The following MAST2 variants were observed in gnomAD, a reference collection of about 807,000 sequenced individuals.
MAST2 encodes the protein microtubule associated serine/threonine kinase 2.
MAST2 carries 70 observed loss-of-function variants against 147.4 expected under a neutral mutation model. The ratio of observed to expected loss-of-function variants is 0.47; its 90% confidence interval spans 0.39 to 0.58. The LOEUF is 0.58. MAST2 is among the 20% of genes least tolerant of loss of function. The pLI, the probability that MAST2 is intolerant of heterozygous loss-of-function variation, is 0.00. For missense variants in MAST2, 2,080 were observed against 2,302.3 expected, an observed-to-expected ratio of 0.90 and a Z score of 1.98; for synonymous variants, 869 against 896.8, an observed-to-expected ratio of 0.97 and a Z score of 0.55.
intron 4 of MAST2, among the ~76,000 whole-genome samples, chr1:45,900,173 CAAAAAAA>C (rs59051138): frequency 1.8e-5 from 1 of 54,106 alleles, no homozygotes; most frequent in African/African-American, 8.8e-5. Flanking sequence ...CTCTCTCTCT[CAAAAAAA>C]AAAAAAAAAA....
intron 5 of MAST2, among the ~76,000 whole-genome samples, chr1:45,976,945 A>T (rs1326225474): frequency 6.6e-6 from 1 of 152,236 alleles, no homozygotes; most frequent in African/African-American, 2.4e-5. Flanking sequence ...GTATTCAGAC[A>T]CTTGATTTAT....
intron 3 of MAST2, among the ~76,000 whole-genome samples, chr1:45,866,847 A>AT (rs2148120443): frequency 6.6e-6 from 1 of 151,704 alleles, no homozygotes; most frequent in South Asian, 2.1e-4. Flanking sequence ...GGTTCAAGTG[A>AT]TTCTCCTGCC....
intron 4 of MAST2, among the ~76,000 whole-genome samples, chr1:45,927,375 G>A (rs955876536): frequency 3.9e-5 from 6 of 152,138 alleles, no homozygotes; most frequent in African/African-American, 1.4e-4. Flanking sequence ...GAGCGCTATG[G>A]GAGACTGGGG....
intron 2 of MAST2, among the ~76,000 whole-genome samples, chr1:45,826,265 T>C (rs1324297614): frequency 6.6e-6 from 1 of 152,214 alleles, no homozygotes; most frequent in Non-Finnish European, 1.5e-5. Context: ...GAATTTTCCA[T>C]TTATCTGATT....
At chr1:45,989,429 A>T (rs573944824) in intron 5 of MAST2, among the ~76,000 whole-genome samples, 1 of 152,206 alleles carries the variant, frequency 6.6e-6, no homozygotes, top group East Asian at 1.9e-4. Flanking sequence ...TTCATTTCCA[A>T]AGTTTCTTAC....
intron 3 of MAST2, among the ~76,000 whole-genome samples, chr1:45,876,276 A>T (rs1216159900): frequency 6.6e-6 from 1 of 152,202 alleles, no homozygotes; most frequent in Non-Finnish European, 1.5e-5. Flanking sequence ...GAGACATTGG[A>T]TGTAGATAAC....
At chr1:45,853,110 AG>A in intron 3 of MAST2, among the ~76,000 whole-genome samples, 1 of 151,866 alleles carries the variant, frequency 6.6e-6, no homozygotes, top group East Asian at 2.0e-4. Context: ...TTGTATTTTT[AG>A]TAGAGACAGG....
chr1:45,981,817 A>C lies in MAST2; in HGVS notation c.593-15907A>C, dbSNP rs1044567881. ...TCAAAATTATTGATTTTATTCTGTC[A>C]ACAAACTTTAAAATGGTGGTAATTT... On this transcript the variant is annotated intron_variant, in intron 5 of 28. Transcript: ENST00000361297. Among the ~76,000 whole-genome samples the C allele has an allele frequency of 4.0e-5, 6 of 151,104 alleles. No individual in the cohort carries two copies. The East Asian group carries it at 9.7e-4, about 24-fold the overall frequency.
chr1:45,844,226 A>G (rs1205526043), intron 3 of MAST2, among the ~76,000 whole-genome samples: 1 of 152,086 alleles, frequency 6.6e-6, no homozygotes, highest in Non-Finnish European at 1.5e-5. Flanking sequence ...CAGCCTCCTG[A>G]GTAGTTGGGA....
chr1:45,946,794 A>G (rs1035117689), intron 4 of MAST2, among the ~76,000 whole-genome samples: 1 of 152,162 alleles, frequency 6.6e-6, no homozygotes, highest in Non-Finnish European at 1.5e-5. Flanking sequence ...GATAGTCACA[A>G]TAGTAGTCAA....
At chr1:45,964,253 G>A (rs183552013) in intron 5 of MAST2, among the ~76,000 whole-genome samples, 49 of 152,052 alleles carry the variant, frequency 3.2e-4, no homozygotes, top group African/African-American at 9.2e-4. Flanking sequence ...GGAGGATTCC[G>A]TCTTTTTCTA....
chr1:46,011,533 C>T lies in MAST2; in HGVS notation c.1188+594C>T, dbSNP rs546178429. ...GAGTTCTTAAGCACTGCTTCCTGCA[C>T]GAGTGCTTCCTTTGCTATCAGCCTC... is the stretch of plus-strand genomic sequence containing the variant. On this transcript the variant is annotated intron_variant, in intron 10 of 28. Coordinates refer to ENST00000361297, the MANE Select transcript of MAST2 (RefSeq NM_015112.3). Among the ~76,000 whole-genome samples, 6 of 152,332 alleles carry T rather than the reference C, an allele frequency of 3.9e-5. No homozygotes were observed. The South Asian group carries it at 8.3e-4, about 21-fold the overall frequency.
rs3737737 is a variant in MAST2, at chr1:46,035,072, G to T, written c.4403G>T (p.Gly1468Val). 78 of 1,613,650 alleles carry T rather than the reference G, an allele frequency of 4.8e-5. 1 individual carries two copies. Among genetic ancestry groups the T allele is most frequent in the Non-Finnish European group, 5.5e-5 (65 of 1,179,978 alleles). ...GGCAAGGGGGCCCTGCCAGGGAAGG[G>T]GGTGCTGCAGCCTGCTCCCTCACGG... Reference protein sequence around the residue: ...LSGKGALPGKGVLQPAPSRAL... With the variant: ...LSGKGALPGKVVLQPAPSRAL... The change falls in exon 29 of 29, where the codon GGG (glycine) becomes GTG (valine). Residue 1468 changes from glycine (G) to valine (V), a missense_variant. Gly to Val is a moderately radical substitution (Grantham distance 109). Transcript: ENST00000361297. The surrounding 1 kb of genome is among the most constrained non-coding windows in gnomAD (Gnocchi z 5.5).
chr1:45,856,681 A>C (rs911002872), intron 3 of MAST2, among the ~76,000 whole-genome samples: 1 of 152,230 alleles, frequency 6.6e-6, no homozygotes, highest in African/African-American at 2.4e-5. Flanking sequence ...ATTACAGGGC[A>C]CAGTAAAATA....
At chr1:45,826,391 C>T (rs1031544206) in intron 2 of MAST2, among the ~76,000 whole-genome samples, 13 of 152,050 alleles carry the variant, frequency 8.5e-5, no homozygotes, top group African/African-American at 3.1e-4. Context: ...TCTCCTCTGT[C>T]GCCCAGGCTG....
At chr1:46,003,015 G>A in intron 7 of MAST2, 132 bp downstream of exon 7, 1 of 902,852 alleles carries the variant, frequency 1.1e-6, no homozygotes, top group South Asian at 1.5e-5. Context: ...GAGAGATGAT[G>A]TTGGGTGCAA....
At chr1:45,814,656 G>A (rs534804352) in intron 1 of MAST2, among the ~76,000 whole-genome samples, 1 of 152,102 alleles carries the variant, frequency 6.6e-6, no homozygotes, top group Non-Finnish European at 1.5e-5. Context: ...GCGTGGTGGC[G>A]CACGCCTATA....
Position 45,939,625 on chromosome 1 carries a change from C to T in MAST2, c.501-19761C>T, listed in dbSNP as rs187150156. On this transcript the variant is annotated intron_variant, in intron 4 of 28. Coordinates refer to ENST00000361297, the MANE Select transcript of MAST2 (RefSeq NM_015112.3). ...GCGCGATCTCAGCTCACTGTAACCT[C>T]TGCCTCCTGGATTCAAGTGATTCTT... Among the ~76,000 whole-genome samples, 544 of 152,198 alleles carry T rather than the reference C, an allele frequency of 3.6e-3. 2 individuals carry two copies. The highest frequency in any genetic ancestry group is 5.6e-3 in the Admixed American group (86 of 15,292).
Position 46,002,822 on chromosome 1 carries a change from G to C in MAST2, c.686G>C (p.Trp229Ser). 6.2e-7 allele frequency: 1 copy of C among 1,614,134 alleles called. No homozygotes were observed. Among genetic ancestry groups the C allele is most frequent in the Non-Finnish European group, 8.5e-7 (1 of 1,180,004 alleles). ...GCATACAGGACTGATGGGCGGCGCT[G>C]GTCTTTGGCCTCTTTGCCCTCTTCA... ...VPARRTDGRR[W>S]SLASLPSSGY... Residue 229 changes from tryptophan (W) to serine (S), a missense_variant, in exon 7 of 29, where the codon TGG becomes TCG. Physicochemically the swap from Trp to Ser is radical, Grantham distance 177. This residue lies in a region of MAST2 where 569 missense variants were observed against 642.5 expected (regional missense o/e 0.89). Coordinates refer to ENST00000361297, the MANE Select transcript of MAST2 (RefSeq NM_015112.3).
Sources: allele counts gnomAD v4.1 joint callset (sites outside exome capture counted in the v4.1 genomes callset), GRCh38; gene constraint gnomAD v4.1.1; regional missense constraint gnomAD v4.1.1; non-coding constraint Gnocchi (gnomAD v3.1); transcripts MANE v1.5; gene names NCBI Gene and HGNC (gene_info 2026-07-23, HGNC 2026-07-21).